Variants in PTPRK observed in about 807,000 individuals in gnomAD.
PTPRK encodes protein tyrosine phosphatase receptor type K.
Under a neutral mutation model 178.0 loss-of-function variants are expected in PTPRK, and 75 were observed. The observed-to-expected ratio is 0.42, with a 90% CI of 0.35 to 0.51. The LOEUF is 0.51. Ranked by LOEUF, PTPRK falls within the 20% of genes least tolerant of loss-of-function variation. The probability of loss-of-function intolerance (pLI) is 0.02; values close to 1 mark genes in which losing one functional copy is unlikely to be tolerated. For synonymous variants in PTPRK, 637 were observed against 620.6 expected (o/e 1.03, Z -0.39); for missense variants, 1,441 against 1,797.8 (o/e 0.80, Z 3.59).
intron 28 of PTPRK, 49 bp downstream of exon 28, chr6:127,973,615 A>C: frequency 6.3e-6 from 10 of 1,594,756 alleles, no homozygotes; most frequent in Non-Finnish European, 8.6e-6. Context: ...GAAAATGAGA[A>C]AATAAGCACC....
chr6:128,399,869 T>C (rs1225764106), intron 1 of PTPRK, among the ~76,000 whole-genome samples: 4 of 152,314 alleles, frequency 2.6e-5, no homozygotes, highest in Non-Finnish European at 5.9e-5. Flanking sequence ...CCCTTCCCTA[T>C]CTGAAATTTG....
At chr6:128,300,153 A>T (rs1227751266) in intron 3 of PTPRK, among the ~76,000 whole-genome samples, 1 of 152,250 alleles carries the variant, frequency 6.6e-6, no homozygotes, top group Admixed American at 6.5e-5. Flanking sequence ...AGAGGAATGC[A>T]AATCAAAACC....
rs906325327 is a variant in PTPRK, at chr6:127,969,466, C to T, written c.*761G>A. ...TTATGAATAAAAAGTTTATCTTCTA[C>T]TTACACTAAAACATACAAAAAATAA... On this transcript the variant is annotated 3_prime_UTR_variant, in exon 30 of 30. Coordinates refer to ENST00000368226, the MANE Select transcript of PTPRK (RefSeq NM_002844.4). The T allele has an allele frequency of 2.6e-5, 4 of 152,042 alleles. No individual in the cohort carries two copies. Among genetic ancestry groups the T allele is most frequent in the African/African-American group, 4.8e-5 (2 of 41,398 alleles). The allele number at this position is 152,042 out of a possible 1,614,324, so 9.4% of individuals were successfully genotyped here.
In PTPRK at chr6:128,391,480, T is replaced by C. The variant is rs758612744; in HGVS notation, c.223+6086A>G. On this transcript the variant is annotated intron_variant, in intron 2 of 29. Coordinates refer to ENST00000368226, the MANE Select transcript of PTPRK (RefSeq NM_002844.4). ...CGATAATATTGCAAGCTAATATTCA[T>C]TGCCAATACTACATGCACAGAACTT... Among the ~76,000 whole-genome samples the C allele has an allele frequency of 3.3e-5, 5 of 152,220 alleles. No individual in the cohort carries two copies. In the South Asian group the frequency reaches 1.0e-3, roughly 31 times the overall value.
chr6:128,292,749 C>A (rs186972633), intron 3 of PTPRK, among the ~76,000 whole-genome samples: 55 of 152,222 alleles, frequency 3.6e-4, no homozygotes, highest in African/African-American at 1.3e-3. Context: ...AGTACATTGA[C>A]ATATATCCAT....
intron 7 of PTPRK, among the ~76,000 whole-genome samples, chr6:128,175,039 C>A (rs897546702): frequency 6.6e-6 from 1 of 151,836 alleles, no homozygotes; most frequent in Non-Finnish European, 1.5e-5. Flanking sequence ...ATTCTCTAGA[C>A]TTTGAGTAGC....
intron 13 of PTPRK, among the ~76,000 whole-genome samples, chr6:128,064,107 A>T (rs1365430035): frequency 6.6e-6 from 1 of 152,166 alleles, no homozygotes; most frequent in Non-Finnish European, 1.5e-5. Context: ...GAAGAATTAA[A>T]AACACAGAGA....
At chr6:128,047,414 A>G (rs149261483) in intron 13 of PTPRK, among the ~76,000 whole-genome samples, 156 of 152,300 alleles carry the variant, frequency 1.0e-3, no homozygotes, top group African/African-American at 3.6e-3. Flanking sequence ...TTATACATCA[A>G]CTTTAGGTTT....
At chr6:128,285,244 G>A (rs1196095536) in intron 3 of PTPRK, among the ~76,000 whole-genome samples, 10 of 152,200 alleles carry the variant, frequency 6.6e-5, no homozygotes, top group Non-Finnish European at 1.5e-4. Flanking sequence ...GCCAGGCGTG[G>A]TGGCTTGCGC....
At chr6:128,401,897 A>G (rs1350353468) in intron 1 of PTPRK, among the ~76,000 whole-genome samples, 1 of 152,226 alleles carries the variant, frequency 6.6e-6, no homozygotes, top group Non-Finnish European at 1.5e-5. Flanking sequence ...ACCTTCTCCA[A>G]TTGTGAATTA....
chr6:128,071,147 C>T (rs759468758), intron 11 of PTPRK, among the ~76,000 whole-genome samples: 2 of 151,556 alleles, frequency 1.3e-5, no homozygotes, highest in African/African-American at 2.4e-5. Flanking sequence ...TTTCACGGAC[C>T]TTATATTCAC....
intron 1 of PTPRK, among the ~76,000 whole-genome samples, chr6:128,490,163 A>G (rs1298825820): frequency 2.0e-5 from 3 of 152,200 alleles, no homozygotes; most frequent in Non-Finnish European, 4.4e-5. Context: ...ATCTTTTCCA[A>G]AAGATGACAG....
At chr6:128,142,931 C>A (rs1049721616) in intron 7 of PTPRK, among the ~76,000 whole-genome samples, 3 of 151,998 alleles carry the variant, frequency 2.0e-5, no homozygotes, top group Admixed American at 2.0e-4. Context: ...CACATAATTA[C>A]AAATTATTGT....
At chr6:128,114,438 T>C (rs1243053530) in intron 7 of PTPRK, among the ~76,000 whole-genome samples, 3 of 151,666 alleles carry the variant, frequency 2.0e-5, no homozygotes, top group African/African-American at 7.2e-5. Context: ...GCCAACATGG[T>C]GAAATCCTGT....
chr6:128,303,597 T>C (rs1235975310), intron 3 of PTPRK, among the ~76,000 whole-genome samples: 2 of 152,202 alleles, frequency 1.3e-5, no homozygotes, highest in African/African-American at 4.8e-5. Context: ...TATTCTATTA[T>C]AAATCATACA....
At chr6:128,059,848 A>C (rs1214798619) in intron 13 of PTPRK, among the ~76,000 whole-genome samples, 2 of 152,192 alleles carry the variant, frequency 1.3e-5, no homozygotes, top group African/African-American at 2.4e-5. Context: ...ATTCTGTCAA[A>C]AATTATTAGA....
intron 7 of PTPRK, among the ~76,000 whole-genome samples, chr6:128,123,405 T>C (rs1012647505): frequency 4.6e-5 from 7 of 151,948 alleles, no homozygotes; most frequent in Non-Finnish European, 8.8e-5. Flanking sequence ...AGGAGGAAAT[T>C]TGTACTTTTT....
intron 7 of PTPRK, among the ~76,000 whole-genome samples, chr6:128,099,299 C>T (rs1192914110): frequency 6.6e-6 from 1 of 151,704 alleles, no homozygotes; most frequent in Non-Finnish European, 1.5e-5. Context: ...TATATCTCCC[C>T]TTGAATTGGT....
intron 2 of PTPRK, among the ~76,000 whole-genome samples, chr6:128,323,163 C>T (rs970753730): frequency 6.6e-6 from 1 of 152,066 alleles, no homozygotes; most frequent in African/African-American, 2.4e-5. Context: ...GAGTCCCACT[C>T]TCATAGCTCA....
Sources: gnomAD v4.1 joint callset for allele counts (sites outside exome capture counted in the v4.1 genomes callset) on GRCh38, gnomAD v4.1.1 for gene constraint, MANE v1.5 for transcripts, NCBI Gene and HGNC (gene_info 2026-07-23, HGNC 2026-07-21) for gene names.